The following IGFBP5 variants were observed in gnomAD, a reference collection of about 807,000 sequenced individuals.
IGFBP5 encodes the protein insulin like growth factor binding protein 5.
In IGFBP5, 12 loss-of-function variants were observed where a neutral mutation model predicts 28.0. The ratio of observed to expected loss-of-function variants is 0.43; its 90% confidence interval spans 0.27 to 0.69. IGFBP5 has a LOEUF of 0.69. Among genes scored for constraint, IGFBP5 ranks in the 30% least tolerant of loss-of-function variants. The pLI is 0.20. For missense variants in IGFBP5, 344 were observed against 381.6 expected (o/e 0.90, Z 0.82); for synonymous variants, 152 against 150.2 (o/e 1.01, Z -0.09).
At position 216,692,640 on chromosome 2, in the gene IGFBP5, C is replaced by T. The variant is rs1689115578; in HGVS notation, c.337+1799G>A. Among the ~76,000 whole-genome samples, 1 of 152,094 alleles carries T rather than the reference C, an allele frequency of 6.6e-6. No individual in the cohort carries two copies. The highest frequency in any genetic ancestry group is 1.5e-5 in the Non-Finnish European group (1 of 68,008). ...TAGGCTTTTCCAAATCCACATCCCCCAAGATGAAGGCGGGCAGGACCGCCT... is the reference window on the plus strand; with the variant it reads ...TAGGCTTTTCCAAATCCACATCCCCTAAGATGAAGGCGGGCAGGACCGCCT... On this transcript the variant is annotated intron_variant, in intron 1 of 3. Coordinates refer to ENST00000233813, the MANE Select transcript of IGFBP5 (RefSeq NM_000599.4). The surrounding 1 kb of genome is among the most constrained non-coding windows in gnomAD (Gnocchi z 4.2).
chr2:216,676,957 T>C (rs750122929), intron 3 of IGFBP5, 75 bp from the exon 4 acceptor site: 73 of 1,529,550 alleles, frequency 4.8e-5, no homozygotes, highest in Non-Finnish European at 6.1e-5. Context: ...CTGCCTCTTG[T>C]CTACCCCAAG....
At chr2:216,691,784 T>C (rs1225466999) in intron 1 of IGFBP5, among the ~76,000 whole-genome samples, 1 of 149,900 alleles carries the variant, frequency 6.7e-6, no homozygotes, top group Non-Finnish European at 1.5e-5. Flanking sequence ...TAAATATATA[T>C]AATATAGTAT....
chr2:216,690,484 A>C lies in IGFBP5; in HGVS notation c.337+3955T>G, dbSNP rs1689082260. Among the ~76,000 whole-genome samples the C allele has an allele frequency of 3.0e-5, 3 of 98,594 alleles. No homozygotes were observed. The South Asian group carries it at 1.4e-3, about 46-fold the overall frequency. 64.7% of individuals were successfully genotyped at this position (98,594 alleles called of 152,430 possible). A position where few individuals can be genotyped will look rare whatever the true frequency, so the allele number is the denominator to read the frequency against. ...AAAGTAGAAACTTTAGACAAGTATT[A>C]CCTTCCCTTCCCGCTGGCTTCTTCG... On this transcript the variant is annotated intron_variant, in intron 1 of 3. Transcript: ENST00000233813.
At chr2:216,688,799 T>C (rs11575146) in intron 1 of IGFBP5, among the ~76,000 whole-genome samples, 337 of 152,260 alleles carry the variant, frequency 2.2e-3, no homozygotes, top group African/African-American at 7.9e-3. Context: ...ACCTGGCAGG[T>C]CTGACTTACC....
intron 1 of IGFBP5, among the ~76,000 whole-genome samples, chr2:216,680,685 C>T (rs1190818918): frequency 1.3e-5 from 2 of 152,112 alleles, no homozygotes; most frequent in East Asian, 1.9e-4. Context: ...TCCAAAGGTT[C>T]GCAGCGTTCC....
In IGFBP5 at chr2:216,676,311, C is replaced by G. The variant is rs1688896874; in HGVS notation, c.*440G>C. The G allele has an allele frequency of 1.2e-5, 2 of 161,266 alleles. No individual in the cohort carries two copies. Among genetic ancestry groups the G allele is most frequent in the Admixed American group, 1.3e-4 (2 of 15,728 alleles). The allele number at this position is 161,266 out of a possible 1,614,324, so 10.0% of individuals were successfully genotyped here. On this transcript the variant is annotated 3_prime_UTR_variant, in exon 4 of 4. Transcript: ENST00000233813. ...ATCCTGGGCTGCATCTTCTAGCGCC[C>G]ACCTCTCCCGACCCCAGGCCAGGGC...
intron 1 of IGFBP5, among the ~76,000 whole-genome samples, chr2:216,691,509 A>T (rs1266299793): frequency 6.6e-6 from 1 of 152,096 alleles, no homozygotes; most frequent in Non-Finnish European, 1.5e-5. Flanking sequence ...ATCTCCCTCC[A>T]GCCTCACACA....
intron 2 of IGFBP5, chr2:216,678,637 G>T (rs1052591568): frequency 1.0e-5 from 6 of 593,066 alleles, no homozygotes; most frequent in Non-Finnish European, 1.8e-5. Flanking sequence ...CCTCAAATGA[G>T]CACCGCCTCT....
intron 1 of IGFBP5, among the ~76,000 whole-genome samples, chr2:216,684,352 C>T (rs1203718292): frequency 6.6e-6 from 1 of 152,236 alleles, no homozygotes; most frequent in Non-Finnish European, 1.5e-5. Flanking sequence ...CTATTAACAG[C>T]CTGTTCCTGG....
In IGFBP5 at chr2:216,688,596, T is replaced by C. The variant is rs1447898895; in HGVS notation, c.337+5843A>G. On this transcript the variant is annotated intron_variant, in intron 1 of 3. Coordinates refer to ENST00000233813, the MANE Select transcript of IGFBP5 (RefSeq NM_000599.4). ...CATCCTGGCTGAGGTGACAGAGGGG[T>C]GTCGCAGTCCCAGTTCGGGATAACT... 2.6e-5 allele frequency among the ~76,000 whole-genome samples: 4 copies of C among 152,000 alleles called. No homozygotes were observed. In the East Asian group the frequency reaches 7.7e-4, roughly 29 times the overall value.
In IGFBP5 at chr2:216,676,377, T is replaced by A. The variant is rs1268539607; in HGVS notation, c.*374A>T. 5.7e-6 allele frequency: 1 copy of A among 175,432 alleles called. No individual in the cohort carries two copies. The highest frequency in any genetic ancestry group is 1.2e-5 in the Non-Finnish European group (1 of 83,456). The allele number at this position is 175,432 out of a possible 1,614,324, so 10.9% of individuals were successfully genotyped here. A position where few individuals can be genotyped will look rare whatever the true frequency, so the allele number is the denominator to read the frequency against. On this transcript the variant is annotated 3_prime_UTR_variant, in exon 4 of 4. Transcript: ENST00000233813. ...GGCCCCTGCCTGGTCTCGGTGCATG[T>A]CCTTCCTGCCCACCTGCTTGTCTTC...
rs1234865420 is a variant in IGFBP5, at chr2:216,675,106, CCT to C, written c.*1643_*1644del. On this transcript the variant is annotated 3_prime_UTR_variant, in exon 4 of 4. Coordinates refer to ENST00000233813, the MANE Select transcript of IGFBP5 (RefSeq NM_000599.4). ...AAGGAAATTTCTATTGGCTTTTCCC[CCT>C]TTCTGCTGCTTTGTGCCAAAGCTAG... 1.3e-5 allele frequency: 2 copies of C among 152,164 alleles called. No individual in the cohort carries two copies. Among genetic ancestry groups the C allele is most frequent in the Admixed American group, 6.5e-5 (1 of 15,276 alleles). 9.4% of individuals were successfully genotyped at this position (152,164 alleles called of 1,614,324 possible).
intron 3 of IGFBP5, among the ~76,000 whole-genome samples, chr2:216,677,518 C>T (rs1180682907): frequency 6.6e-6 from 1 of 152,194 alleles, no homozygotes; most frequent in Admixed American, 6.5e-5. Context: ...TAACAGGACA[C>T]AGCTAGTAAG....
Position 216,679,940 on chromosome 2 carries a change from T to C in IGFBP5, c.338-861A>G, listed in dbSNP as rs1006233910. On this transcript the variant is annotated intron_variant, in intron 1 of 3. Coordinates refer to ENST00000233813, the MANE Select transcript of IGFBP5 (RefSeq NM_000599.4). This position sits in a 1 kb window ranked among gnomAD's most constrained non-coding sequence, Gnocchi z 4.6. ...CTATACTTAGCTGGCTTTTGACCTT[T>C]AGAGAAGTCAGACTTTGTTGATGTA... Among the ~76,000 whole-genome samples, 1 of 152,168 alleles carries C rather than the reference T, an allele frequency of 6.6e-6. No individual in the cohort carries two copies. The highest frequency in any genetic ancestry group is 2.4e-5 in the African/African-American group (1 of 41,452).
In IGFBP5 at chr2:216,676,787, A is replaced by T. The variant is rs373898848; in HGVS notation, c.783T>A (p.Phe261Leu). 1 of 1,613,918 alleles carries T rather than the reference A, an allele frequency of 6.2e-7. No homozygotes were observed. The highest frequency in any genetic ancestry group is 2.2e-5 in the East Asian group (1 of 44,868). ...TGCTGCTGTCGAAGGTGTGGCACTG[A>T]AAGTCCCCGTCAACGTACTCCATGC... Reference protein sequence around the residue: ...LPGMEYVDGDFQCHTFDSSNV... With the variant: ...LPGMEYVDGDLQCHTFDSSNV... Residue 261 changes from phenylalanine (F) to leucine (L), a missense_variant, in exon 4 of 4, where the codon TTT becomes TTA. By Grantham distance (22) the Phe-to-Leu change is conservative. Coordinates refer to ENST00000233813, the MANE Select transcript of IGFBP5 (RefSeq NM_000599.4).
chr2:216,694,861 T>TTTTTTG lies in IGFBP5; in HGVS notation c.-92_-87dup, dbSNP rs1169465384. ...AGGGGCCAAGAGGGCCCCCGGAGAT[T>TTTTTTG]TTTTTGTTTTTGTTTTTGTTTTAAA... is the stretch of plus-strand genomic sequence containing the variant. On this transcript the variant is annotated 5_prime_UTR_variant, in exon 1 of 4. Coordinates refer to ENST00000233813, the MANE Select transcript of IGFBP5 (RefSeq NM_000599.4). This position sits in a 1 kb window ranked among gnomAD's most constrained non-coding sequence, Gnocchi z 5.2. 4.1e-6 allele frequency: 4 copies of TTTTTTG among 985,162 alleles called. No individual in the cohort carries two copies. Among genetic ancestry groups the TTTTTTG allele is most frequent in the East Asian group, 3.3e-5 (1 of 30,510 alleles). The allele number at this position is 985,162 out of a possible 1,614,324, so 61.0% of individuals were successfully genotyped here.
chr2:216,685,031 C>A (rs1689018630), intron 1 of IGFBP5, among the ~76,000 whole-genome samples: 1 of 152,170 alleles, frequency 6.6e-6, no homozygotes. Flanking sequence ...CGCCTGTAAT[C>A]CCAGCACTTT....
chr2:216,673,474 T>C lies in IGFBP5; in HGVS notation c.*3277A>G, dbSNP rs980237566. 4 of 152,558 alleles carry C rather than the reference T, an allele frequency of 2.6e-5. No homozygotes were observed. Among genetic ancestry groups the C allele is most frequent in the Admixed American group, 2.6e-4 (4 of 15,308 alleles). 9.5% of individuals were successfully genotyped at this position (152,558 alleles called of 1,614,324 possible). On this transcript the variant is annotated 3_prime_UTR_variant, in exon 4 of 4. Transcript: ENST00000233813. This position sits in a 1 kb window ranked among gnomAD's most constrained non-coding sequence, Gnocchi z 4.3. Reference sequence around the variant, plus strand: ...AGGCTGGAGGAAGGAGGGTCAGTCCTGGCTGGGCTTCCCTATCTCCTGGCA... The same window carrying C: ...AGGCTGGAGGAAGGAGGGTCAGTCCCGGCTGGGCTTCCCTATCTCCTGGCA...
rs1688864616 is a variant in IGFBP5 at position 216,673,865 on chromosome 2, C to T, written c.*2886G>A. 6.6e-6 allele frequency: 1 copy of T among 152,440 alleles called. No homozygotes were observed. The highest frequency in any genetic ancestry group is 2.1e-4 in the South Asian group (1 of 4,830). The allele number at this position is 152,440 out of a possible 1,614,324, so 9.4% of individuals were successfully genotyped here. A position where few individuals can be genotyped will look rare whatever the true frequency, so the allele number is the denominator to read the frequency against. On this transcript the variant is annotated 3_prime_UTR_variant, in exon 4 of 4. Transcript: ENST00000233813. The surrounding 1 kb of genome is among the most constrained non-coding windows in gnomAD (Gnocchi z 4.3). ...CTTAGTTCCATGTGTCCATGAAGGC[C>T]CAGCTTCTCTGGGGAGTGACCAGCT...
Sources: gnomAD v4.1 joint callset for allele counts (sites outside exome capture counted in the v4.1 genomes callset) on GRCh38, gnomAD v4.1.1 for gene constraint, Gnocchi (gnomAD v3.1) non-coding constraint, MANE v1.5 for transcripts, NCBI Gene and HGNC (gene_info 2026-07-23, HGNC 2026-07-21) for gene names.